The following VOPP1 variants were observed in gnomAD, a reference collection of about 807,000 sequenced individuals.
VOPP1 encodes WW domain binding protein VOPP1.
A neutral mutation model predicts 23.5 loss-of-function variants in VOPP1; 8 were observed. The ratio of observed to expected loss-of-function variants is 0.34; its 90% confidence interval spans 0.20 to 0.61. VOPP1 has a LOEUF of 0.61. VOPP1 is among the 20% of genes least tolerant of loss of function. VOPP1 has a pLI of 0.78. For synonymous variants in VOPP1, 83 were observed against 97.3 expected, an observed-to-expected ratio of 0.85 and a Z score of 0.86; for missense variants, 174 against 238.1, an observed-to-expected ratio of 0.73 and a Z score of 1.77.
At chr7:55,537,696 C>T (rs1796882209) in intron 1 of VOPP1, 2 of 1,448,254 alleles carry the variant, frequency 1.4e-6, no homozygotes, top group Non-Finnish European at 9.1e-7. Context: ...AGAACATCTA[C>T]CATGGAGGAC....
chr7:55,569,269 G>GA (rs1006974178), intron 1 of VOPP1, among the ~76,000 whole-genome samples: 2 of 152,200 alleles, frequency 1.3e-5, no homozygotes, highest in African/African-American at 4.8e-5. Flanking sequence ...GGTTTCTCAG[G>GA]AGAGTCCTGG....
intron 1 of VOPP1, chr7:55,552,727 G>A: frequency 6.5e-7 from 1 of 1,535,236 alleles, no homozygotes; most frequent in Non-Finnish European, 8.7e-7. Flanking sequence ...CAGGAGTCTG[G>A]TCGCCAGGTT....
chr7:55,512,358 G>A (rs113535185), intron 2 of VOPP1, among the ~76,000 whole-genome samples: 1 of 152,048 alleles, frequency 6.6e-6, no homozygotes, highest in Non-Finnish European at 1.5e-5. Context: ...CCTGGAAGGC[G>A]GAGGTTGCAG....
intron 3 of VOPP1, among the ~76,000 whole-genome samples, chr7:55,496,918 T>C (rs761296051): frequency 1.3e-5 from 2 of 152,220 alleles, no homozygotes; most frequent in Non-Finnish European, 2.9e-5. Context: ...GTACAAGAAA[T>C]GCTGCTTTGG....
intron 1 of VOPP1, among the ~76,000 whole-genome samples, chr7:55,528,810 G>A (rs150300536): frequency 1.0e-3 from 157 of 152,230 alleles, no homozygotes; most frequent in African/African-American, 3.5e-3. Context: ...TAGAAAGGGT[G>A]TACTCAAACA....
intron 2 of VOPP1, among the ~76,000 whole-genome samples, chr7:55,507,246 T>G (rs769102298): frequency 4.6e-5 from 7 of 152,156 alleles, no homozygotes; most frequent in Non-Finnish European, 1.0e-4. Flanking sequence ...CACCCGTGCC[T>G]GCTGGCTGGG....
At chr7:55,456,257 C>T (rs1251206036) in intron 4 of VOPP1, among the ~76,000 whole-genome samples, 3 of 152,164 alleles carry the variant, frequency 2.0e-5, no homozygotes, top group African/African-American at 7.2e-5. Context: ...GAAACCAACT[C>T]GTGCCAGTTA....
At chr7:55,561,965 G>T (rs771099407) in intron 1 of VOPP1, 1 of 703,440 alleles carries the variant, frequency 1.4e-6, no homozygotes, top group Non-Finnish European at 2.6e-6. Flanking sequence ...AAAGTATGGT[G>T]CCTTCAGGAC....
intron 4 of VOPP1, among the ~76,000 whole-genome samples, chr7:55,442,409 C>T (rs1387750602): frequency 1.3e-5 from 2 of 152,174 alleles, no homozygotes; most frequent in Non-Finnish European, 1.5e-5. Context: ...CGCCAGAAGA[C>T]GTGCTAAAGT....
At chr7:55,517,827 G>A in intron 2 of VOPP1, among the ~76,000 whole-genome samples, 1 of 152,086 alleles carries the variant, frequency 6.6e-6, no homozygotes, top group East Asian at 1.9e-4. Context: ...AATGCTTCAT[G>A]ACCCCAACTT....
intron 2 of VOPP1, among the ~76,000 whole-genome samples, chr7:55,501,312 AG>A (rs1794351306): frequency 6.6e-6 from 1 of 152,256 alleles, no homozygotes; most frequent in African/African-American, 2.4e-5. Context: ...AGCTGTTTTC[AG>A]CAGACATCCA....
At chr7:55,516,023 C>A in intron 2 of VOPP1, 1 of 985,454 alleles carries the variant, frequency 1.0e-6, no homozygotes, top group Non-Finnish European at 1.2e-6. Context: ...GGAAGCGAGG[C>A]CCAAGCAGAA....
chr7:55,470,599 A>T (rs1219307962), downstream of VOPP1: 1 of 152,186 alleles, frequency 6.6e-6, no homozygotes, highest in East Asian at 1.9e-4. Context: ...CCCCAACAAA[A>T]CAATCAAAGC....
At chr7:55,451,812 T>C (rs1324183765) in intron 4 of VOPP1, among the ~76,000 whole-genome samples, 4 of 152,110 alleles carry the variant, frequency 2.6e-5, no homozygotes, top group African/African-American at 9.7e-5. Context: ...AAAAGCTTTA[T>C]TGCTAAAAAT....
At chr7:55,438,423 T>A (rs1413457039) in intron 4 of VOPP1, among the ~76,000 whole-genome samples, 1 of 151,996 alleles carries the variant, frequency 6.6e-6, no homozygotes, top group Non-Finnish European at 1.5e-5. Flanking sequence ...TGTTATAAGG[T>A]AATAAATGAT....
At chr7:55,445,662 G>C (rs1791083157) in intron 4 of VOPP1, among the ~76,000 whole-genome samples, 1 of 152,082 alleles carries the variant, frequency 6.6e-6, no homozygotes, top group Non-Finnish European at 1.5e-5. Context: ...TCTCCTTTAT[G>C]GGTTTGTCTG....
intron 4 of VOPP1, 95 bp downstream of exon 4, chr7:55,492,187 C>T (rs1171572918): frequency 1.4e-6 from 2 of 1,464,108 alleles, no homozygotes; most frequent in East Asian, 4.8e-5. Context: ...TGAGCGCTCT[C>T]TTCTGGCAGT....
At chr7:55,560,147 T>C (rs1484833411) in intron 1 of VOPP1, among the ~76,000 whole-genome samples, 1 of 152,210 alleles carries the variant, frequency 6.6e-6, no homozygotes, top group Non-Finnish European at 1.5e-5. Flanking sequence ...AGTGAGGCTC[T>C]GTCTCAAACA....
chr7:55,514,928 C>A (rs1452073783), intron 2 of VOPP1, among the ~76,000 whole-genome samples: 1 of 152,202 alleles, frequency 6.6e-6, no homozygotes, highest in Admixed American at 6.5e-5. Flanking sequence ...TGGGGCCGTG[C>A]AGTGCTGCTG....
Sources: gnomAD v4.1 joint callset for allele counts (sites outside exome capture counted in the v4.1 genomes callset) on GRCh38, gnomAD v4.1.1 for gene constraint, MANE v1.5 for transcripts, NCBI Gene and HGNC (gene_info 2026-07-23, HGNC 2026-07-21) for gene names.